Variants in TMEM245 observed in about 807,000 individuals in gnomAD.
TMEM245 encodes the protein protein CG-2.
Under a neutral mutation model 101.2 loss-of-function variants are expected in TMEM245, and 69 were observed. The observed-to-expected ratio is 0.68, with a 90% CI of 0.56 to 0.83. The LOEUF (loss-of-function observed/expected upper bound fraction) is 0.83. Ranked by LOEUF, TMEM245 falls within the 40% of genes least tolerant of loss-of-function variation. TMEM245 has a pLI of 0.00. For missense variants in TMEM245, 1,075 were observed against 1,092.8 expected, an observed-to-expected ratio of 0.98 and a Z score of 0.23; for synonymous variants, 537 against 449.8, an observed-to-expected ratio of 1.19 and a Z score of -2.45.
Position 109,066,452 on chromosome 9 carries a change from C to CAAAAAAAAAAA in TMEM245, c.1533-1896_1533-1886dup, listed in dbSNP as rs386415818. The stretch of plus-strand genomic sequence containing the variant: ...CCTGGGCAAAAGAGCAAGACTGTCT[C>CAAAAAAAAAAA]AAAAAAAAAAAAAAAAAAAAAAAAA... On this transcript the variant is annotated intron_variant, in intron 9 of 17. Coordinates refer to ENST00000374586, the MANE Select transcript of TMEM245 (RefSeq NM_032012.4). Among the ~76,000 whole-genome samples the CAAAAAAAAAAA allele has an allele frequency of 3.8e-4, 20 of 52,472 alleles. 1 individual carries two copies. Among genetic ancestry groups the CAAAAAAAAAAA allele is most frequent in the African/African-American group, 2.3e-3 (20 of 8,612 alleles). The allele number at this position is 52,472 out of a possible 152,430, so 34.4% of individuals were successfully genotyped here.
At position 109,108,547 on chromosome 9, in the gene TMEM245, A is replaced by C. The variant is rs1308095778; in HGVS notation, c.603T>G (p.Tyr201Ter). The C allele has an allele frequency of 1.2e-6, 2 of 1,607,118 alleles. No homozygotes were observed. Among genetic ancestry groups the C allele is most frequent in the Non-Finnish European group, 1.7e-6 (2 of 1,177,510 alleles). The change falls in exon 2 of 18, where the codon TAT (tyrosine) becomes TAG (stop). Residue 201 changes from tyrosine (Y) to a stop codon, truncating the protein, a stop_gained. Transcript: ENST00000374586. LOFTEE classifies it high-confidence loss of function. ...SLWIWTLVVG[Y>*]VLTVSFKWNA... Reference sequence around the variant, plus strand: ...TCCACTTGAATGAAACAGTCAACACATAGCCAACCACCAACGTCCAGATCT... The same window carrying C: ...TCCACTTGAATGAAACAGTCAACACCTAGCCAACCACCAACGTCCAGATCT...
At chr9:109,053,434 G>GA (rs1054230823) in intron 12 of TMEM245, among the ~76,000 whole-genome samples, 2 of 151,368 alleles carry the variant, frequency 1.3e-5, no homozygotes, top group Non-Finnish European at 2.9e-5. Flanking sequence ...CTCTGAGGGG[G>GA]AAAAAAAAGG....
chr9:109,090,526 T>A (rs1265532360), intron 5 of TMEM245, among the ~76,000 whole-genome samples: 1 of 151,676 alleles, frequency 6.6e-6, no homozygotes, highest in Non-Finnish European at 1.5e-5. Context: ...ATCGAGACTA[T>A]CCTGGCTAAC....
rs1009079344 is a variant in TMEM245 at position 109,086,136 on chromosome 9, A to G, written c.1321-116T>C. 14 of 1,126,878 alleles carry G rather than the reference A, an allele frequency of 1.2e-5. No homozygotes were observed. In the South Asian group the frequency reaches 1.6e-4, roughly 13 times the overall value. The allele number at this position is 1,126,878 out of a possible 1,614,324, so 69.8% of individuals were successfully genotyped here. A position where few individuals can be genotyped will look rare whatever the true frequency, so the allele number is the denominator to read the frequency against. Reference sequence around the variant, plus strand: ...GCATGAGAAGGAAACCATCCCAGACAAAGGAAAAACTAGGGACGGAAAAAC... The same window carrying G: ...GCATGAGAAGGAAACCATCCCAGACGAAGGAAAAACTAGGGACGGAAAAAC... On this transcript the variant is annotated intron_variant, in intron 6 of 17. Transcript: ENST00000374586.
intron 17 of TMEM245, among the ~76,000 whole-genome samples, chr9:109,032,571 AGAG>A (rs1827993430): frequency 6.7e-6 from 1 of 149,106 alleles, no homozygotes; most frequent in African/African-American, 2.5e-5. Context: ...TATTTTTAGT[AGAG>A]ATGGGGTTTT....
Position 109,119,892 on chromosome 9 carries a change from T to C in TMEM245, c.22A>G (p.Lys8Glu), listed in dbSNP as rs528527374. ...GAGCTCCGCAGGCTTGGCGCGTCCT[T>C]AGGGCCGCCGCCGTCGGCCATCGTT... MADGGGP[K>E]DAPSLRSSPG... Residue 8 changes from lysine to glutamate, a missense_variant, in exon 1 of 18, where the codon AAG becomes GAG. By Grantham distance (56) the Lys-to-Glu change is moderately conservative. Transcript: ENST00000374586. 6 of 1,274,082 alleles carry C rather than the reference T, an allele frequency of 4.7e-6. No homozygotes were observed. The highest frequency in any genetic ancestry group is 3.0e-5 in the South Asian group (1 of 33,264). 78.9% of individuals were successfully genotyped at this position (1,274,082 alleles called of 1,614,324 possible).
At chr9:109,101,098 G>C (rs963645522) in intron 3 of TMEM245, among the ~76,000 whole-genome samples, 1 of 152,132 alleles carries the variant, frequency 6.6e-6, no homozygotes, top group Non-Finnish European at 1.5e-5. Context: ...CTGGGCAACA[G>C]AGCGAGTCTT....
At position 109,038,067 on chromosome 9, in the gene TMEM245, G is replaced by C. The variant is rs1828191390; in HGVS notation, c.2174C>G (p.Thr725Ser). 1 of 1,613,162 alleles carries C rather than the reference G, an allele frequency of 6.2e-7. No individual in the cohort carries two copies. Among genetic ancestry groups the C allele is most frequent in the Non-Finnish European group, 8.5e-7 (1 of 1,179,658 alleles). ...LKMAGFYGLY[T>S]WLTHTMFGIN... ...GCCAAACATAGTATGAGTCAGCCAG[G>C]TATACAATCCATAGAAGCCAGCCAT... Residue 725 changes from threonine to serine, a missense_variant, in exon 15 of 18, where the codon ACC becomes AGC. Thr to Ser is a moderately conservative substitution (Grantham distance 58, BLOSUM62 1). Coordinates refer to ENST00000374586, the MANE Select transcript of TMEM245 (RefSeq NM_032012.4).
At chr9:109,097,039 A>G (rs1830159658) in intron 3 of TMEM245, among the ~76,000 whole-genome samples, 1 of 152,246 alleles carries the variant, frequency 6.6e-6, no homozygotes, top group Admixed American at 6.5e-5. Context: ...AAGTAAGTGT[A>G]AACTGTTAGG....
In TMEM245 at chr9:109,019,027, G is replaced by A. The variant is rs1228744568; in HGVS notation, c.*1433C>T. ...TCCAAAGTGCTGGGATTACAGATGT[G>A]AGCCACCACCTACAGCCTGGCCAAG... On this transcript the variant is annotated 3_prime_UTR_variant, in exon 18 of 18. Coordinates refer to ENST00000374586, the MANE Select transcript of TMEM245 (RefSeq NM_032012.4). 2 of 147,732 alleles carry A rather than the reference G, an allele frequency of 1.4e-5. No homozygotes were observed. The highest frequency in any genetic ancestry group is 7.0e-5 in the Admixed American group (1 of 14,288). The allele number at this position is 147,732 out of a possible 1,614,324, so 9.2% of individuals were successfully genotyped here. A position where few individuals can be genotyped will look rare whatever the true frequency, so the allele number is the denominator to read the frequency against.
In TMEM245 at chr9:109,057,180, C is replaced by G; in HGVS notation, c.1854+11G>C. ...TTGAACTTCAGCTTAACTATAAATG[C>G]TATTTCTTACCGAAAGAAATGTCTC... On this transcript the variant is annotated intron_variant, in intron 12 of 17. Transcript: ENST00000374586. 1 of 1,611,018 alleles carries G rather than the reference C, an allele frequency of 6.2e-7. No homozygotes were observed. The highest frequency in any genetic ancestry group is 8.5e-7 in the Non-Finnish European group (1 of 1,178,496).
At chr9:109,032,827 T>A (rs549360929) in intron 17 of TMEM245, among the ~76,000 whole-genome samples, 2,689 of 130,686 alleles carry the variant, frequency 0.021, 34 homozygotes, top group Non-Finnish European at 0.03. Context: ...TTTTTTTTTT[T>A]ATATGCTGTT....
At chr9:109,103,511 A>C (rs982216052) in intron 3 of TMEM245, among the ~76,000 whole-genome samples, 3 of 152,210 alleles carry the variant, frequency 2.0e-5, no homozygotes, top group Non-Finnish European at 4.4e-5. Context: ...TGGAAAAAGA[A>C]CATGTGGTAC....
intron 15 of TMEM245, 31 bp downstream of exon 15, chr9:109,037,986 C>A (rs776211041): frequency 3.4e-6 from 5 of 1,490,100 alleles, no homozygotes; most frequent in Middle Eastern, 3.5e-4. Context: ...CCTTAAATAG[C>A]GAATAGTGGA....
intron 14 of TMEM245, among the ~76,000 whole-genome samples, chr9:109,047,697 A>C (rs1047482298): frequency 6.6e-6 from 1 of 152,236 alleles, no homozygotes; most frequent in Non-Finnish European, 1.5e-5. Context: ...GTGAAAATAG[A>C]AACATTTTTC....
chr9:109,100,987 T>C (rs1830268410), intron 3 of TMEM245, among the ~76,000 whole-genome samples: 1 of 152,062 alleles, frequency 6.6e-6, no homozygotes, highest in Admixed American at 6.6e-5. Context: ...AACTCAGCAA[T>C]GATCCACAAG....
chr9:109,032,802 T>G (rs912105790), intron 17 of TMEM245, among the ~76,000 whole-genome samples: 9 of 144,282 alleles, frequency 6.2e-5, no homozygotes, highest in Non-Finnish European at 1.2e-4. Flanking sequence ...TCACCCAATA[T>G]AGGTCTTTTT....
intron 1 of TMEM245, among the ~76,000 whole-genome samples, chr9:109,109,082 G>A (rs1421098080): frequency 6.6e-6 from 1 of 152,172 alleles, no homozygotes; most frequent in African/African-American, 2.4e-5. Flanking sequence ...CAGCTGAAGT[G>A]TGACCCTGCT....
At chr9:109,089,178 T>C (rs1829927929) in intron 5 of TMEM245, among the ~76,000 whole-genome samples, 1 of 151,916 alleles carries the variant, frequency 6.6e-6, no homozygotes, top group South Asian at 2.1e-4. Context: ...GGAGGATCAC[T>C]TGAGCCTGAG....
Sources: allele counts gnomAD v4.1 joint callset (sites outside exome capture counted in the v4.1 genomes callset), GRCh38; gene constraint gnomAD v4.1.1; transcripts MANE v1.5; gene names NCBI Gene and HGNC (gene_info 2026-07-23, HGNC 2026-07-21).